The following KCND2 variants were observed in gnomAD, a reference collection of about 807,000 sequenced individuals.
KCND2 encodes the protein potassium voltage-gated channel subfamily D member 2, also known as A-type voltage-gated potassium channel KCND2.
A neutral mutation model predicts 54.4 loss-of-function variants in KCND2; 16 were observed. The observed-to-expected ratio is 0.29, with a 90% confidence interval of 0.20 to 0.45. The LOEUF is 0.45. KCND2 is among the 20% of genes least tolerant of loss of function. The pLI, the probability that KCND2 is intolerant of heterozygous loss-of-function variation, is 1.00. For missense variants in KCND2, 486 were observed against 824.2 expected (o/e 0.59, Z 5.02); for synonymous variants, 317 against 310.7 (o/e 1.02, Z -0.21).
intron 1 of KCND2, among the ~76,000 whole-genome samples, chr7:120,454,973 C>T (rs1025457915): frequency 6.6e-6 from 1 of 151,928 alleles, no homozygotes; most frequent in Non-Finnish European, 1.5e-5. Context: ...ATACAGTTAA[C>T]CAAGGAGGTA....
chr7:120,510,597 G>A (rs928483961), intron 1 of KCND2, among the ~76,000 whole-genome samples: 2 of 152,022 alleles, frequency 1.3e-5, no homozygotes, highest in African/African-American at 2.4e-5. Context: ...TTCTTAGGAG[G>A]AGGGTGATTT....
chr7:120,696,101 A>G (rs1792330102), intron 1 of KCND2, among the ~76,000 whole-genome samples: 2 of 152,238 alleles, frequency 1.3e-5, no homozygotes, highest in African/African-American at 2.4e-5. Context: ...TTTCTATTGC[A>G]TAAAGCTACT....
chr7:120,446,545 A>AAC (rs150533505), intron 1 of KCND2, among the ~76,000 whole-genome samples: 6,654 of 138,650 alleles, frequency 0.048, 180 homozygotes, highest in African/African-American at 0.083. Flanking sequence ...CCATATTATA[A>AAC]ACACACACAC....
intron 1 of KCND2, among the ~76,000 whole-genome samples, chr7:120,569,974 CAAAAA>C (rs1174213139): frequency 6.6e-6 from 1 of 151,870 alleles, no homozygotes; most frequent in Non-Finnish European, 1.5e-5. Context: ...CAAAACAAAA[CAAAAA>C]AACACTGAAG....
rs1351784515 is a variant in KCND2, at chr7:120,301,553, A to G, written c.1115+25806A>G. ...TTCCTGCAGATTTATTTAATTCTGGAATTGCATACTTTTTTATAAATAAAT... is the reference window on the plus strand; with the variant it reads ...TTCCTGCAGATTTATTTAATTCTGGGATTGCATACTTTTTTATAAATAAAT... On this transcript the variant is annotated intron_variant, in intron 1 of 5. Transcript: ENST00000331113. Among the ~76,000 whole-genome samples the G allele has an allele frequency of 2.0e-5, 3 of 152,190 alleles. No homozygotes were observed. In the East Asian group the frequency reaches 5.8e-4, roughly 29 times the overall value.
At chr7:120,455,728 C>T (rs1391749827) in intron 1 of KCND2, among the ~76,000 whole-genome samples, 2 of 152,102 alleles carry the variant, frequency 1.3e-5, no homozygotes, top group Non-Finnish European at 2.9e-5. Flanking sequence ...CAAACTAATA[C>T]AGGAACAGAA....
At chr7:120,718,427 A>G (rs554636001) in intron 1 of KCND2, among the ~76,000 whole-genome samples, 23 of 152,244 alleles carry the variant, frequency 1.5e-4, no homozygotes, top group African/African-American at 5.1e-4. Flanking sequence ...GAAAAAAATC[A>G]TGTTTCTTGA....
At chr7:120,489,883 A>G (rs575302633) in intron 1 of KCND2, among the ~76,000 whole-genome samples, 24 of 152,252 alleles carry the variant, frequency 1.6e-4, no homozygotes, top group South Asian at 6.2e-4. Context: ...ATAAATAGAG[A>G]AAATTTCTGA....
intron 1 of KCND2, among the ~76,000 whole-genome samples, chr7:120,432,756 A>G (rs1801812586): frequency 6.6e-6 from 1 of 152,074 alleles, no homozygotes; most frequent in Non-Finnish European, 1.5e-5. Flanking sequence ...ATTTTTATCA[A>G]AGGGAAACTT....
At chr7:120,485,806 TTCTG>T (rs1466836791) in intron 1 of KCND2, among the ~76,000 whole-genome samples, 1 of 152,228 alleles carries the variant, frequency 6.6e-6, no homozygotes. Context: ...TGTTTCTCTT[TTCTG>T]TCTCTCTTCT....
chr7:120,376,963 T>A (rs1387683475), intron 1 of KCND2, among the ~76,000 whole-genome samples: 1 of 151,930 alleles, frequency 6.6e-6, no homozygotes, highest in Non-Finnish European at 1.5e-5. Context: ...TTCACACAAT[T>A]TCCCTTAATG....
At chr7:120,548,639 A>T (rs538223280) in intron 1 of KCND2, among the ~76,000 whole-genome samples, 3 of 152,156 alleles carry the variant, frequency 2.0e-5, no homozygotes, top group Non-Finnish European at 4.4e-5. Context: ...TGCACATTTC[A>T]TATTTGTCAA....
At chr7:120,720,690 T>G (rs372800664) in intron 1 of KCND2, among the ~76,000 whole-genome samples, 11 of 152,286 alleles carry the variant, frequency 7.2e-5, no homozygotes, top group African/African-American at 4.8e-5. Flanking sequence ...CCAGCCTCCA[T>G]GACACTCTGC....
At chr7:120,488,514 C>A (rs770736882) in intron 1 of KCND2, among the ~76,000 whole-genome samples, 2 of 151,848 alleles carry the variant, frequency 1.3e-5, no homozygotes, top group Non-Finnish European at 2.9e-5. Flanking sequence ...ATGTGTGATA[C>A]ATAGAAAGAA....
At chr7:120,583,644 C>T (rs1792548603) in intron 1 of KCND2, among the ~76,000 whole-genome samples, 1 of 152,034 alleles carries the variant, frequency 6.6e-6, no homozygotes, top group African/African-American at 2.4e-5. Flanking sequence ...ATGTTCTCTT[C>T]TTATAAAGAC....
At chr7:120,702,938 G>T (rs895192118) in intron 1 of KCND2, among the ~76,000 whole-genome samples, 1 of 151,918 alleles carries the variant, frequency 6.6e-6, no homozygotes, top group South Asian at 2.1e-4. Flanking sequence ...TAAAATAAAA[G>T]TTAAAAAAAT....
intron 1 of KCND2, among the ~76,000 whole-genome samples, chr7:120,546,210 A>C (rs1473354378): frequency 2.6e-5 from 4 of 151,916 alleles, no homozygotes; most frequent in Admixed American, 2.6e-4. Flanking sequence ...TTTGAAAATC[A>C]AATGTATTAA....
At chr7:120,628,447 A>G (rs1169486237) in intron 1 of KCND2, among the ~76,000 whole-genome samples, 1 of 152,184 alleles carries the variant, frequency 6.6e-6, no homozygotes, top group African/African-American at 2.4e-5. Context: ...GCACTGAGGC[A>G]AAGTTAGCTG....
intron 1 of KCND2, among the ~76,000 whole-genome samples, chr7:120,374,297 G>A (rs1033976187): frequency 6.6e-5 from 10 of 151,578 alleles, no homozygotes; most frequent in South Asian, 2.1e-4. Flanking sequence ...ATTCAAGTCC[G>A]AAAGTTATGG....
Sources: allele counts gnomAD v4.1 joint callset (sites outside exome capture counted in the v4.1 genomes callset), GRCh38; gene constraint gnomAD v4.1.1; transcripts MANE v1.5; gene names NCBI Gene and HGNC (gene_info 2026-07-23, HGNC 2026-07-21).